CEP44: variants seen among roughly 807,000 people sequenced by gnomAD.
The protein encoded by CEP44 is centrosomal protein 44.
A neutral mutation model predicts 46.7 loss-of-function variants in CEP44; 45 were observed. The observed-to-expected ratio is 0.96, with a 90% CI of 0.76 to 1.24. CEP44 has a LOEUF of 1.24. CEP44 is among the 50% of genes most tolerant of loss of function. The pLI is 0.00. For missense variants in CEP44, 475 were observed against 459.7 expected (o/e 1.03, Z -0.30); for synonymous variants, 142 against 146.0 (o/e 0.97, Z 0.20).
intron 6 of CEP44, among the ~76,000 whole-genome samples, chr4:174,307,534 T>C (rs77752891): frequency 1.1e-4 from 16 of 152,214 alleles, no homozygotes; most frequent in African/African-American, 3.9e-4. Flanking sequence ...GGCAGTACCA[T>C]TCAGGACATA....
rs142706924 is a variant in CEP44 at position 174,314,006 on chromosome 4, C to A, written c.962-2160C>A. Among the ~76,000 whole-genome samples, 498 of 152,228 alleles carry A rather than the reference C, an allele frequency of 3.3e-3. 3 individuals are homozygous for A. Among genetic ancestry groups the A allele is most frequent in the African/African-American group, 0.011 (470 of 41,530 alleles). ...TCCTTGATTTAGAAGTATTGGCTTA[C>A]AAATTATTAAATGGTAAAGGACCCT... On this transcript the variant is annotated intron_variant, in intron 9 of 11. Coordinates refer to ENST00000503780, the MANE Select transcript of CEP44 (RefSeq NM_001040157.3). This position sits in a 1 kb window ranked among gnomAD's most constrained non-coding sequence, Gnocchi z 4.1.
Position 174,312,610 on chromosome 4 carries a change from A to G in CEP44, c.961+1752A>G, listed in dbSNP as rs984918789. Among the ~76,000 whole-genome samples the G allele has an allele frequency of 6.6e-6, 1 of 152,158 alleles. No homozygotes were observed. Among genetic ancestry groups the G allele is most frequent in the African/African-American group, 2.4e-5 (1 of 41,432 alleles). On this transcript the variant is annotated intron_variant, in intron 9 of 11. Coordinates refer to ENST00000503780, the MANE Select transcript of CEP44 (RefSeq NM_001040157.3). This position sits in a 1 kb window ranked among gnomAD's most constrained non-coding sequence, Gnocchi z 4.5. ...TGAGTTAACATGTCCGGGTTCACATAGCTAAATTTCAACAACTGTGCCAGG... is the reference window on the plus strand; with the variant it reads ...TGAGTTAACATGTCCGGGTTCACATGGCTAAATTTCAACAACTGTGCCAGG...
chr4:174,290,401 A>G lies in CEP44; in HGVS notation c.-148+6458A>G, dbSNP rs1242750505. On this transcript the variant is annotated intron_variant, in intron 1 of 11. Coordinates refer to ENST00000503780, the MANE Select transcript of CEP44 (RefSeq NM_001040157.3). This position sits in a 1 kb window ranked among gnomAD's most constrained non-coding sequence, Gnocchi z 4.3. ...AGTTTCATTCCCTCGTGATCAGACAAAATGTTTAGAATGTTTTTAGTCTTC... is the reference window on the plus strand; with the variant it reads ...AGTTTCATTCCCTCGTGATCAGACAGAATGTTTAGAATGTTTTTAGTCTTC... Among the ~76,000 whole-genome samples the G allele has an allele frequency of 8.3e-6, 1 of 120,824 alleles. No homozygotes were observed. Among genetic ancestry groups the G allele is most frequent in the African/African-American group, 2.6e-5 (1 of 38,082 alleles). 79.3% of individuals were successfully genotyped at this position (120,824 alleles called of 152,430 possible).
intron 3 of CEP44, among the ~76,000 whole-genome samples, chr4:174,300,533 C>G (rs1487550931): frequency 6.6e-6 from 1 of 151,986 alleles, no homozygotes; most frequent in Non-Finnish European, 1.5e-5. Context: ...TTTCTAAATA[C>G]AGTGTTTAAA....
At chr4:174,289,294 T>C (rs1486091850) in intron 1 of CEP44, among the ~76,000 whole-genome samples, 1 of 127,666 alleles carries the variant, frequency 7.8e-6, no homozygotes, top group Non-Finnish European at 1.6e-5. Flanking sequence ...TGTTCCCTCT[T>C]CTTTTTTTTT....
At chr4:174,289,399 T>G (rs2126497843) in intron 1 of CEP44, among the ~76,000 whole-genome samples, 1 of 152,088 alleles carries the variant, frequency 6.6e-6, no homozygotes, top group Admixed American at 6.5e-5. Context: ...GTTGGGAATT[T>G]TTTGATTATT....
At position 174,309,852 on chromosome 4, in the gene CEP44, T is replaced by C. The variant is rs762857468; in HGVS notation, c.681T>C (p.Asp227=). 6.3e-7 allele frequency: 1 copy of C among 1,592,154 alleles called. No individual in the cohort carries two copies. The highest frequency in any genetic ancestry group is 2.2e-5 in the East Asian group (1 of 44,608). The change falls in exon 8 of 12, where the codon GAT becomes GAC. Residue 227 remains aspartate, a splice_region_variant and synonymous_variant. Transcript: ENST00000503780. The surrounding 1 kb of genome is among the most constrained non-coding windows in gnomAD (Gnocchi z 5.3). ...KVPEIKAEQQ[D]VNVNPEITAL... ...TTTAATCTCTCTAACCTTTTTAGGA[T>C]GTAAATGTTAATCCTGAGATTACTG... is the stretch of plus-strand genomic sequence containing the variant.
Position 174,299,080 on chromosome 4 carries a change from T to C in CEP44, c.-42T>C. ...TGGATTTCTATTTTCAGGTGAAAAATTAGACGATTTCAAGAATTGGAGCTG... is the reference window on the plus strand; with the variant it reads ...TGGATTTCTATTTTCAGGTGAAAAACTAGACGATTTCAAGAATTGGAGCTG... On this transcript the variant is annotated 5_prime_UTR_variant, in exon 3 of 12. Coordinates refer to ENST00000503780, the MANE Select transcript of CEP44 (RefSeq NM_001040157.3). The C allele has an allele frequency of 6.5e-7, 1 of 1,536,202 alleles. No individual in the cohort carries two copies. The highest frequency in any genetic ancestry group is 2.3e-5 in the East Asian group (1 of 44,408).
At chr4:174,291,753 T>TCATG (rs1307304649) in intron 1 of CEP44, among the ~76,000 whole-genome samples, 10 of 151,240 alleles carry the variant, frequency 6.6e-5, no homozygotes, top group Admixed American at 5.3e-4. Flanking sequence ...GAGGAAGTTT[T>TCATG]CATGTTTTCT....
In CEP44 at chr4:174,304,259, CAAAG is replaced by C. The variant is rs762640237; in HGVS notation, c.405_408del (p.Lys136SerfsTer29). ...CCTTTTTTTTTAGATTCCATCACAA[CAAAG>C]AAAGAAAATCAGTTCTGGTAAGTCA... On this transcript the variant is annotated frameshift_variant, in exon 6 of 12. Coordinates refer to ENST00000503780, the MANE Select transcript of CEP44 (RefSeq NM_001040157.3). LOFTEE classifies it high-confidence loss of function. 5 of 1,593,078 alleles carry C rather than the reference CAAAG, an allele frequency of 3.1e-6. No individual in the cohort carries two copies. The South Asian group carries it at 3.5e-5, about 11-fold the overall frequency.
chr4:174,300,786 T>C (rs140072188), intron 3 of CEP44, among the ~76,000 whole-genome samples: 21 of 152,212 alleles, frequency 1.4e-4, no homozygotes, highest in African/African-American at 5.1e-4. Flanking sequence ...TTGCTGTTTT[T>C]TGTGTTGGCA....
Position 174,284,000 on chromosome 4 carries a change from C to T in CEP44, c.-148+57C>T, listed in dbSNP as rs1737245339. 5.0e-6 allele frequency: 2 copies of T among 399,734 alleles called. No homozygotes were observed. Among genetic ancestry groups the T allele is most frequent in the African/African-American group, 2.1e-5 (1 of 48,676 alleles). 24.8% of individuals were successfully genotyped at this position (399,734 alleles called of 1,614,324 possible). On this transcript the variant is annotated intron_variant, in intron 1 of 11. Coordinates refer to ENST00000503780, the MANE Select transcript of CEP44 (RefSeq NM_001040157.3). The surrounding 1 kb of genome is among the most constrained non-coding windows in gnomAD (Gnocchi z 6.7). ...ATACAAACGGTCGGCGCGAGAAGCGCTTCTGGGCGCAGGCGCCTGGCTGTA... is the reference window on the plus strand; with the variant it reads ...ATACAAACGGTCGGCGCGAGAAGCGTTTCTGGGCGCAGGCGCCTGGCTGTA...
In CEP44 at chr4:174,314,844, A is replaced by T. The variant is rs1388615034; in HGVS notation, c.962-1322A>T. On this transcript the variant is annotated intron_variant, in intron 9 of 11. Transcript: ENST00000503780. This position sits in a 1 kb window ranked among gnomAD's most constrained non-coding sequence, Gnocchi z 4.1. ...ATTACACCCTGTAATCTTGACCTCCAGGCTTAGCTAATTGGATTAAGAGTA... is the reference window on the plus strand; with the variant it reads ...ATTACACCCTGTAATCTTGACCTCCTGGCTTAGCTAATTGGATTAAGAGTA... Among the ~76,000 whole-genome samples the T allele has an allele frequency of 6.6e-6, 1 of 152,226 alleles. No homozygotes were observed. The highest frequency in any genetic ancestry group is 1.5e-5 in the Non-Finnish European group (1 of 68,028).
intron 1 of CEP44, among the ~76,000 whole-genome samples, chr4:174,292,127 A>G (rs1408612117): frequency 6.6e-6 from 1 of 151,922 alleles, no homozygotes; most frequent in African/African-American, 2.4e-5. Context: ...TTTTCAGGTA[A>G]TTATTTTCAG....
At position 174,325,990 on chromosome 4, in the gene CEP44, C is replaced by T. The variant is rs573084355; in HGVS notation, c.1087-5492C>T. Among the ~76,000 whole-genome samples the T allele has an allele frequency of 1.3e-3, 205 of 152,076 alleles. No individual in the cohort carries two copies. Among genetic ancestry groups the T allele is most frequent in the Non-Finnish European group, 2.2e-3 (150 of 67,976 alleles). On this transcript the variant is annotated intron_variant, in intron 8 of 8. Transcript: ENST00000426172. The surrounding 1 kb of genome is among the most constrained non-coding windows in gnomAD (Gnocchi z 4.4). ...TTTAAAGTGGGTTTCCTGAAGATAA[C>T]GTAATTTGGTCTTGCTCTTTTATCA...
intron 1 of CEP44, chr4:174,285,329 GCCCTTTGTGAGAA>G (rs1737460194): frequency 6.6e-6 from 1 of 152,130 alleles, no homozygotes; most frequent in Non-Finnish European, 1.5e-5. Context: ...ACTTAGTAAA[GCCCTTTGTGAGAA>G]TGTAGAGCAG....
Position 174,310,124 on chromosome 4 carries a change from G to A in CEP44, c.885+68G>A, listed in dbSNP as rs1028382314. Reference sequence around the variant, plus strand: ...CAAAGTTTTTTTTTGATTGTTATATGTGTATTTTTTTGGAAATGCTAAATA... The same window carrying A: ...CAAAGTTTTTTTTTGATTGTTATATATGTATTTTTTTGGAAATGCTAAATA... On this transcript the variant is annotated intron_variant, in intron 8 of 11. Transcript: ENST00000503780. The surrounding 1 kb of genome is among the most constrained non-coding windows in gnomAD (Gnocchi z 4.2). 3 of 1,421,742 alleles carry A rather than the reference G, an allele frequency of 2.1e-6. No homozygotes were observed. Among genetic ancestry groups the A allele is most frequent in the African/African-American group, 2.9e-5 (2 of 68,440 alleles). 88.1% of individuals were successfully genotyped at this position (1,421,742 alleles called of 1,614,324 possible).
At position 174,331,193 on chromosome 4, in the gene CEP44, A is replaced by G. The variant is rs1644987431; in HGVS notation, c.1087-289A>G. Among the ~76,000 whole-genome samples, 1 of 152,130 alleles carries G rather than the reference A, an allele frequency of 6.6e-6. No individual in the cohort carries two copies. The highest frequency in any genetic ancestry group is 3.2e-3 in the Middle Eastern group (1 of 316). The stretch of plus-strand genomic sequence containing the variant: ...ATGTTACCAATTTTTTAATTAAAGT[A>G]AGACAATTGCATAGATTTCTTATTG... On this transcript the variant is annotated intron_variant, in intron 8 of 8. Transcript: ENST00000426172. The surrounding 1 kb of genome is among the most constrained non-coding windows in gnomAD (Gnocchi z 4.5).
In CEP44 at chr4:174,309,818, A is replaced by T; in HGVS notation, c.679-32A>T. The T allele has an allele frequency of 7.1e-7, 1 of 1,405,342 alleles. No individual in the cohort carries two copies. Among genetic ancestry groups the T allele is most frequent in the Non-Finnish European group, 9.8e-7 (1 of 1,016,974 alleles). The allele number at this position is 1,405,342 out of a possible 1,614,324, so 87.1% of individuals were successfully genotyped here. A position where few individuals can be genotyped will look rare whatever the true frequency, so the allele number is the denominator to read the frequency against. ...ATTTTAAAGAAATTTCAGTTTGTTT[A>T]ATTTTATTTTTAATCTCTCTAACCT... On this transcript the variant is annotated intron_variant, in intron 7 of 11. Transcript: ENST00000503780. The surrounding 1 kb of genome is among the most constrained non-coding windows in gnomAD (Gnocchi z 5.3).
Sources: gnomAD v4.1 joint callset for allele counts (sites outside exome capture counted in the v4.1 genomes callset) on GRCh38, gnomAD v4.1.1 for gene constraint, Gnocchi (gnomAD v3.1) non-coding constraint, MANE v1.5 for transcripts, NCBI Gene and HGNC (gene_info 2026-07-23, HGNC 2026-07-21) for gene names.